The following RIPOR3 variants were observed in gnomAD, a reference collection of about 807,000 sequenced individuals.
The protein encoded by RIPOR3 is RIPOR family member 3.
Under a neutral mutation model 114.3 loss-of-function variants are expected in RIPOR3, and 95 were observed. The ratio of observed to expected loss-of-function variants is 0.83; its 90% confidence interval spans 0.70 to 0.99. The LOEUF (loss-of-function observed/expected upper bound fraction) is 0.99. Ranked by LOEUF, RIPOR3 falls within the 50% of genes least tolerant of loss-of-function variation. The pLI is 0.00. For synonymous variants in RIPOR3, 575 were observed against 543.8 expected, an observed-to-expected ratio of 1.06 and a Z score of -0.80; for missense variants, 1,252 against 1,266.9, an observed-to-expected ratio of 0.99 and a Z score of 0.18.
At chr20:50,596,789 G>A (rs2083306672) in intron 14 of RIPOR3, among the ~76,000 whole-genome samples, 1 of 152,206 alleles carries the variant, frequency 6.6e-6, no homozygotes, top group Non-Finnish European at 1.5e-5. Context: ...AGAAGGAATT[G>A]AGCCTCTGCT....
chr20:50,671,246 C>A (rs2086469236), intron 1 of RIPOR3, among the ~76,000 whole-genome samples: 1 of 152,216 alleles, frequency 6.6e-6, no homozygotes, highest in Non-Finnish European at 1.5e-5. Context: ...ACCTCAGCCT[C>A]CCACAGTTCT....
intron 11 of RIPOR3, among the ~76,000 whole-genome samples, 174 bp from the exon 12 acceptor site, chr20:50,604,948 G>T (rs1321549758): frequency 6.6e-6 from 1 of 152,102 alleles, no homozygotes; most frequent in African/African-American, 2.4e-5. Flanking sequence ...TTTGAGACAG[G>T]GTCTTGCTGT....
Position 50,589,084 on chromosome 20 carries a change from G to GAAA in RIPOR3, c.2661+599_2661+601dup, listed in dbSNP as rs529410533. ...GTGACAGAACAAGACTCCATCTCAA[G>GAAA]AAAAAAAAAAAAAAAAAAAAAAAAA... On this transcript the variant is annotated intron_variant, in intron 20 of 21. Coordinates refer to ENST00000327979, the MANE Select transcript of RIPOR3 (RefSeq NM_001290268.2). Among the ~76,000 whole-genome samples the GAAA allele has an allele frequency of 1.5e-3, 132 of 89,532 alleles. 6 individuals carry two copies. Among genetic ancestry groups the GAAA allele is most frequent in the African/African-American group, 5.4e-3 (118 of 21,852 alleles). The allele number at this position is 89,532 out of a possible 152,430, so 58.7% of individuals were successfully genotyped here. A position where few individuals can be genotyped will look rare whatever the true frequency, so the allele number is the denominator to read the frequency against.
At chr20:50,648,071 T>C (rs1389522703) in intron 1 of RIPOR3, among the ~76,000 whole-genome samples, 1 of 148,436 alleles carries the variant, frequency 6.7e-6, no homozygotes, top group Non-Finnish European at 1.5e-5. Flanking sequence ...AGGTCAGGAG[T>C]TTTAGACCAG....
chr20:50,641,207 G>A (rs1007010397), intron 1 of RIPOR3, among the ~76,000 whole-genome samples: 4 of 151,766 alleles, frequency 2.6e-5, no homozygotes, highest in Non-Finnish European at 5.9e-5. Flanking sequence ...CACCACGTCC[G>A]GCTCACTTCT....
Position 50,678,192 on chromosome 20 carries a change from C to T in RIPOR3, c.3+12934G>A, listed in dbSNP as rs551900164. 1.3e-4 allele frequency among the ~76,000 whole-genome samples: 20 copies of T among 152,302 alleles called. No homozygotes were observed. The South Asian group carries it at 3.9e-3, about 30-fold the overall frequency. ...GTGTTGGAGCAGAGATCCCAGCGGG[C>T]TTCCTAGAGGAAGATCACAAAAAAT... On this transcript the variant is annotated intron_variant, in intron 1 of 21. Transcript: ENST00000327979.
chr20:50,593,127 T>TC lies in RIPOR3; in HGVS notation c.2281dup (p.Glu761GlyfsTer20). On this transcript the variant is annotated frameshift_variant, in exon 18 of 22. Coordinates refer to ENST00000327979, the MANE Select transcript of RIPOR3 (RefSeq NM_001290268.2). LOFTEE classifies it high-confidence loss of function. ...AAACTGGAACCAGGTAATGATCTGT[T>TC]CTTCTGGGAGCCCAGCTCCGGGGAG... is the stretch of plus-strand genomic sequence containing the variant. 6.2e-7 allele frequency: 1 copy of TC among 1,613,936 alleles called. No individual in the cohort carries two copies. The highest frequency in any genetic ancestry group is 8.5e-7 in the Non-Finnish European group (1 of 1,180,004).
chr20:50,602,510 C>A lies in RIPOR3; in HGVS notation c.1221G>T (p.Met407Ile). ...GGGGGTCCTCAGAGCTGAAGGAGTC[C>A]ATCTCAGGCAGCTCCTGACTCTGGC... ...LRSQSQELPE[M>I]DSFSSEDPRD... Residue 407 changes from methionine to isoleucine, a missense_variant, in exon 13 of 22, where the codon ATG becomes ATT. Coordinates refer to ENST00000327979, the MANE Select transcript of RIPOR3 (RefSeq NM_001290268.2). This position sits in a 1 kb window ranked among gnomAD's most constrained non-coding sequence, Gnocchi z 4.3. 6.4e-7 allele frequency: 1 copy of A among 1,562,398 alleles called. No individual in the cohort carries two copies. Among genetic ancestry groups the A allele is most frequent in the South Asian group, 1.2e-5 (1 of 85,688 alleles).
At chr20:50,626,069 T>C (rs2084608758) in intron 2 of RIPOR3, among the ~76,000 whole-genome samples, 1 of 152,202 alleles carries the variant, frequency 6.6e-6, no homozygotes, top group African/African-American at 2.4e-5. Context: ...TTGTTTGCCT[T>C]GACAGTGCGG....
At chr20:50,611,784 T>C (rs2083987775) in intron 4 of RIPOR3, among the ~76,000 whole-genome samples, 1 of 151,904 alleles carries the variant, frequency 6.6e-6, no homozygotes, top group Non-Finnish European at 1.5e-5. Flanking sequence ...AGAGTAAATA[T>C]TTCAGGCTTG....
intron 1 of RIPOR3, among the ~76,000 whole-genome samples, chr20:50,673,528 T>C: frequency 6.6e-6 from 1 of 152,226 alleles, no homozygotes; most frequent in East Asian, 1.9e-4. Context: ...AGCAACTATT[T>C]CCTGGCCCCA....
intron 2 of RIPOR3, among the ~76,000 whole-genome samples, chr20:50,625,345 T>G (rs1169202708): frequency 6.6e-6 from 1 of 152,226 alleles, no homozygotes; most frequent in Non-Finnish European, 1.5e-5. Context: ...GTGCTGGGAT[T>G]GCAGGCGTGA....
chr20:50,639,389 G>A lies in RIPOR3; in HGVS notation c.4-8533C>T, dbSNP rs186620663. On this transcript the variant is annotated intron_variant, in intron 1 of 21. Transcript: ENST00000327979. ...GGCCTCAAGCCTGAGCTCTGCCCCC[G>A]CTGAGCAGAACCCCTCTTTCTAAAC... Among the ~76,000 whole-genome samples, 289 of 152,208 alleles carry A rather than the reference G, an allele frequency of 1.9e-3. 1 individual carries two copies. The highest frequency in any genetic ancestry group is 6.4e-3 in the African/African-American group (266 of 41,524).
At chr20:50,683,486 T>C (rs1035403015) in intron 1 of RIPOR3, among the ~76,000 whole-genome samples, 1 of 150,846 alleles carries the variant, frequency 6.6e-6, no homozygotes, top group Admixed American at 6.6e-5. Flanking sequence ...GGAGTCTCAC[T>C]CCATTGGCCA....
chr20:50,589,748 C>T lies in RIPOR3; in HGVS notation c.2599G>A (p.Ala867Thr), dbSNP rs540553339. ...REKALLFYTN[A>T]LAENDARLQQ... The stretch of plus-strand genomic sequence containing the variant: ...AGCCTTGCGTCGTTCTCTGCCAGGG[C>T]GTTGGTGTAGAACAGCAAAGCCTGG... The change falls in exon 20 of 22, where the codon GCC becomes ACC. Residue 867 changes from alanine (A) to threonine (T), a missense_variant. Physicochemically the swap from Ala to Thr is moderately conservative, Grantham distance 58. Coordinates refer to ENST00000327979, the MANE Select transcript of RIPOR3 (RefSeq NM_001290268.2). The T allele has an allele frequency of 1.3e-5, 21 of 1,613,512 alleles. No individual in the cohort carries two copies. The East Asian group carries it at 1.3e-4, about 10-fold the overall frequency.
rs527486305 is a variant in RIPOR3 at position 50,595,795 on chromosome 20, C to T, written c.1915-291G>A. ...ACCTAGTCCTGATAGCATTTGAACC[C>T]GTGCATCCAGCCGAGCCTGAAGCCT... On this transcript the variant is annotated intron_variant, in intron 15 of 21. Transcript: ENST00000327979. Among the ~76,000 whole-genome samples the T allele has an allele frequency of 6.6e-5, 10 of 152,312 alleles. No individual in the cohort carries two copies. In the East Asian group the frequency reaches 1.3e-3, roughly 21 times the overall value.
At chr20:50,657,173 G>A (rs1402147167) in intron 1 of RIPOR3, among the ~76,000 whole-genome samples, 1 of 152,194 alleles carries the variant, frequency 6.6e-6, no homozygotes, top group Non-Finnish European at 1.5e-5. Flanking sequence ...GATCACTTGA[G>A]CCCAGGAGTT....
chr20:50,659,657 A>AAG (rs1472879273), intron 1 of RIPOR3, among the ~76,000 whole-genome samples: 1 of 151,788 alleles, frequency 6.6e-6, no homozygotes, highest in Admixed American at 6.6e-5. Context: ...CAAAAAAAAA[A>AAG]AAAAAAAAAA....
intron 1 of RIPOR3, among the ~76,000 whole-genome samples, chr20:50,678,337 C>T (rs2123584981): frequency 6.6e-6 from 1 of 152,338 alleles, no homozygotes; most frequent in South Asian, 2.1e-4. Flanking sequence ...CCTGTGGCTC[C>T]TCACTCACCA....
Sources: gnomAD v4.1 joint callset for allele counts (sites outside exome capture counted in the v4.1 genomes callset) on GRCh38, gnomAD v4.1.1 for gene constraint, Gnocchi (gnomAD v3.1) non-coding constraint, MANE v1.5 for transcripts, NCBI Gene and HGNC (gene_info 2026-07-23, HGNC 2026-07-21) for gene names.